Variants in TRMU observed in about 807,000 individuals in gnomAD.
TRMU encodes the protein tRNA mitochondrial 2-thiouridylase, also known as mitochondrial tRNA-specific 2-thiouridylase 1.
In TRMU, 49 loss-of-function variants were observed where a neutral mutation model predicts 46.9. The observed-to-expected ratio is 1.05, with a 90% confidence interval of 0.83 to 1.33. TRMU has a LOEUF of 1.33. TRMU is among the 40% of genes most tolerant of loss of function. TRMU has a pLI of 0.00. For synonymous variants in TRMU, 241 were observed against 200.9 expected (o/e 1.20, Z -1.69); for missense variants, 572 against 532.4 (o/e 1.07, Z -0.73).
rs764622793 is a variant in TRMU at position 46,352,149 on chromosome 22, G to C, written c.680G>C (p.Arg227Thr). 2.5e-6 allele frequency: 4 copies of C among 1,614,016 alleles called. No homozygotes were observed. The Admixed American group carries it at 5.0e-5, about 20-fold the overall frequency. ...ESMGMCFIGK[R>T]NFEHFLLQYL... ...ATGGGCATGTGTTTCATCGGGAAGAGGAATTTTGAACATTTCCTTCTTCAG... is the reference window on the plus strand; with the variant it reads ...ATGGGCATGTGTTTCATCGGGAAGACGAATTTTGAACATTTCCTTCTTCAG... The change falls in exon 6 of 11, where the codon AGG (arginine) becomes ACG (threonine). Residue 227 changes from arginine (R) to threonine (T), a missense_variant. Physicochemically the swap from Arg to Thr is moderately conservative, Grantham distance 71. Transcript: ENST00000645190.
chr22:46,336,659 C>T lies in TRMU; in HGVS notation c.82+813C>T, dbSNP rs1460401554. 6.6e-6 allele frequency: 1 copy of T among 152,222 alleles called. No individual in the cohort carries two copies. Among genetic ancestry groups the T allele is most frequent in the Non-Finnish European group, 1.5e-5 (1 of 68,066 alleles). 9.4% of individuals were successfully genotyped at this position (152,222 alleles called of 1,614,324 possible). A position where few individuals can be genotyped will look rare whatever the true frequency, so the allele number is the denominator to read the frequency against. On this transcript the variant is annotated intron_variant, in intron 1 of 10. Coordinates refer to ENST00000645190, the MANE Select transcript of TRMU (RefSeq NM_018006.5). This position sits in a 1 kb window ranked among gnomAD's most constrained non-coding sequence, Gnocchi z 4.1. ...CATACTGATGAGTACGTGCTCAGCA[C>T]ATACGAGGTACGCAGAAAACAGTAG...
Position 46,342,980 on chromosome 22 carries a change from G to C in TRMU, c.249-282G>C, listed in dbSNP as rs2078160265. ...AGTCCCAGAGGCAGGGTTTTAGTGAGACCCTCACGGCCACTCCCCACTCCT... is the reference window on the plus strand; with the variant it reads ...AGTCCCAGAGGCAGGGTTTTAGTGACACCCTCACGGCCACTCCCCACTCCT... On this transcript the variant is annotated intron_variant, in intron 2 of 10. Coordinates refer to ENST00000645190, the MANE Select transcript of TRMU (RefSeq NM_018006.5). This position sits in a 1 kb window ranked among gnomAD's most constrained non-coding sequence, Gnocchi z 4.7. Among the ~76,000 whole-genome samples the C allele has an allele frequency of 1.3e-5, 2 of 152,202 alleles. No individual in the cohort carries two copies. Among genetic ancestry groups the C allele is most frequent in the African/African-American group, 4.8e-5 (2 of 41,448 alleles).
chr22:46,352,010 G>A, intron 5 of TRMU, 111 bp from the exon 6 acceptor site: 1 of 1,257,342 alleles, frequency 8.0e-7, no homozygotes, highest in African/African-American at 1.5e-5. Flanking sequence ...TACCCTGGAA[G>A]CAAAGTGTGG....
At chr22:46,341,065 G>A (rs1393473403) in intron 2 of TRMU, among the ~76,000 whole-genome samples, 2 of 152,208 alleles carry the variant, frequency 1.3e-5, no homozygotes, top group African/African-American at 2.4e-5. Flanking sequence ...GTCCAGATAC[G>A]TTTTAGCTGC....
Position 46,357,174 on chromosome 22 carries a change from C to T in TRMU, c.*168C>T. 1.1e-6 allele frequency: 1 copy of T among 894,084 alleles called. No individual in the cohort carries two copies. The highest frequency in any genetic ancestry group is 1.7e-6 in the Non-Finnish European group (1 of 575,862). The allele number at this position is 894,084 out of a possible 1,614,324, so 55.4% of individuals were successfully genotyped here. On this transcript the variant is annotated 3_prime_UTR_variant, in exon 11 of 11. Coordinates refer to ENST00000645190, the MANE Select transcript of TRMU (RefSeq NM_018006.5). Reference sequence around the variant, plus strand: ...GGGCCCGGCGAGCCCCAGGAAGAGCCTCAGCTCCAGGCTGGGGCTCTGGCT... The same window carrying T: ...GGGCCCGGCGAGCCCCAGGAAGAGCTTCAGCTCCAGGCTGGGGCTCTGGCT...
intron 3 of TRMU, among the ~76,000 whole-genome samples, chr22:46,344,708 G>T (rs2078206624): frequency 6.6e-6 from 1 of 152,224 alleles, no homozygotes; most frequent in Admixed American, 6.5e-5. Context: ...TGGAAGAAAG[G>T]CATGAACCGT....
chr22:46,352,626 A>G (rs964235074), intron 7 of TRMU: 22 of 502,078 alleles, frequency 4.4e-5, no homozygotes, highest in Non-Finnish European at 6.9e-5. Flanking sequence ...AAAAAGAATG[A>G]TTTCCTTCCT....
intron 3 of TRMU, among the ~76,000 whole-genome samples, chr22:46,344,683 G>C (rs1216345725): frequency 6.6e-6 from 1 of 152,234 alleles, no homozygotes; most frequent in Non-Finnish European, 1.5e-5. Flanking sequence ...CTTCTGCAGT[G>C]AATGTTTCCA....
At chr22:46,354,969 A>G in intron 8 of TRMU, 1 of 209,876 alleles carries the variant, frequency 4.8e-6, no homozygotes, top group South Asian at 7.6e-5. Context: ...ACCTGTGGGA[A>G]GCCAGCAGCT....
At chr22:46,352,049 T>C in intron 5 of TRMU, 72 bp from the exon 6 acceptor site, 1 of 1,564,672 alleles carries the variant, frequency 6.4e-7, no homozygotes, top group Non-Finnish European at 8.8e-7. Flanking sequence ...CAGGGCCCGC[T>C]CAGGACGTCT....
chr22:46,357,339 C>T lies in TRMU; in HGVS notation c.*333C>T. The T allele has an allele frequency of 2.4e-6, 1 of 408,474 alleles. No individual in the cohort carries two copies. Among genetic ancestry groups the T allele is most frequent in the Non-Finnish European group, 4.6e-6 (1 of 215,762 alleles). 25.3% of individuals were successfully genotyped at this position (408,474 alleles called of 1,614,324 possible). ...CGTGGAATAAACATTATTTCAAGGA[C>T]ACATAGTCTGATCGCTGCTTCCACT... is the stretch of plus-strand genomic sequence containing the variant. On this transcript the variant is annotated 3_prime_UTR_variant, in exon 11 of 11. Coordinates refer to ENST00000645190, the MANE Select transcript of TRMU (RefSeq NM_018006.5).
At position 46,350,599 on chromosome 22, in the gene TRMU, T is replaced by C. The variant is rs1443890632; in HGVS notation, c.651+136T>C. 1.8e-6 allele frequency: 2 copies of C among 1,115,738 alleles called. No individual in the cohort carries two copies. The highest frequency in any genetic ancestry group is 1.3e-5 in the South Asian group (1 of 77,534). 69.1% of individuals were successfully genotyped at this position (1,115,738 alleles called of 1,614,324 possible). On this transcript the variant is annotated intron_variant, in intron 5 of 10. Coordinates refer to ENST00000645190, the MANE Select transcript of TRMU (RefSeq NM_018006.5). This position sits in a 1 kb window ranked among gnomAD's most constrained non-coding sequence, Gnocchi z 4.6. ...ACATCAAAGGCGGGCCTTGGAGCAA[T>C]AGATGGAGGAGTTTGCTGAGGCGCA...
At position 46,338,584 on chromosome 22, in the gene TRMU, T is replaced by G. The variant is rs561046632; in HGVS notation, c.248+640T>G. ...CACTGAACCCAGAGGAGGGAGAAAC[T>G]TGCAGTGTGGAGTAATCAAGAAGGC... On this transcript the variant is annotated intron_variant, in intron 2 of 10. Transcript: ENST00000645190. This position sits in a 1 kb window ranked among gnomAD's most constrained non-coding sequence, Gnocchi z 4.5. 6.6e-6 allele frequency among the ~76,000 whole-genome samples: 1 copy of G among 152,178 alleles called. No homozygotes were observed. The highest frequency in any genetic ancestry group is 1.9e-4 in the East Asian group (1 of 5,168).
At chr22:46,337,332 G>A (rs2078004659) in intron 1 of TRMU, among the ~76,000 whole-genome samples, 1 of 152,148 alleles carries the variant, frequency 6.6e-6, no homozygotes, top group Non-Finnish European at 1.5e-5. Flanking sequence ...AAACTAGGTG[G>A]TACAGCTCTT....
rs1309802138 is a variant in TRMU at position 46,336,965 on chromosome 22, G to A, written c.83-814G>A. On this transcript the variant is annotated intron_variant, in intron 1 of 10. Coordinates refer to ENST00000645190, the MANE Select transcript of TRMU (RefSeq NM_018006.5). This position sits in a 1 kb window ranked among gnomAD's most constrained non-coding sequence, Gnocchi z 4.1. ...TGGTTCTGGCCAGATGGAGATGGAA[G>A]GAGAGGAGCCTGGAGCACGTTTAGC... Among the ~76,000 whole-genome samples the A allele has an allele frequency of 2.0e-5, 3 of 152,188 alleles. No individual in the cohort carries two copies. The highest frequency in any genetic ancestry group is 4.8e-5 in the African/African-American group (2 of 41,438).
intron 7 of TRMU, 86 bp downstream of exon 7, chr22:46,352,416 C>T (rs556622943): frequency 1.7e-5 from 26 of 1,501,494 alleles, no homozygotes; most frequent in Admixed American, 6.7e-5. Flanking sequence ...GAGTTCCTGT[C>T]GTCCCTTCCA....
intron 7 of TRMU, chr22:46,353,492 G>T (rs758658490): frequency 3.3e-4 from 131 of 400,690 alleles, no homozygotes; most frequent in Non-Finnish European, 5.4e-4. Context: ...AGGGTCAGGG[G>T]CTCCTACAGC....
chr22:46,337,512 GGCTGATCCCCTCCT>G (rs1468065709), intron 1 of TRMU, among the ~76,000 whole-genome samples: 1 of 152,132 alleles, frequency 6.6e-6, no homozygotes, highest in Non-Finnish European at 1.5e-5. Context: ...CACACACACT[GGCTGATCCCCTCCT>G]GCTAGGTATT....
At chr22:46,355,279 C>T (rs749371511) in intron 8 of TRMU, 165 bp from the exon 9 acceptor site, 102 of 1,076,538 alleles carry the variant, frequency 9.5e-5, no homozygotes, top group Middle Eastern at 6.0e-4. Flanking sequence ...AAAGGCCCGG[C>T]GGGTGATGAG....
Sources: gnomAD v4.1 joint callset for allele counts (sites outside exome capture counted in the v4.1 genomes callset) on GRCh38, gnomAD v4.1.1 for gene constraint, Gnocchi (gnomAD v3.1) non-coding constraint, MANE v1.5 for transcripts, NCBI Gene and HGNC (gene_info 2026-07-23, HGNC 2026-07-21) for gene names.